The following ADCYAP1R1 variants were observed in gnomAD, a reference collection of about 807,000 sequenced individuals.
ADCYAP1R1 encodes pituitary adenylate cyclase-activating polypeptide type I receptor.
In ADCYAP1R1, 44 loss-of-function variants were observed where a neutral mutation model predicts 67.6. The ratio of observed to expected loss-of-function variants is 0.65; its 90% confidence interval spans 0.51 to 0.84. The LOEUF (loss-of-function observed/expected upper bound fraction) is 0.84, where lower values mean the gene tolerates loss of function less well. ADCYAP1R1 is among the 40% of genes least tolerant of loss of function. ADCYAP1R1 has a pLI of 0.00. For synonymous variants in ADCYAP1R1, 222 were observed against 219.6 expected, an observed-to-expected ratio of 1.01 and a Z score of -0.10; for missense variants, 477 against 587.9, an observed-to-expected ratio of 0.81 and a Z score of 1.95.
In ADCYAP1R1 at chr7:31,080,652, A is replaced by T; in HGVS notation, c.286+19A>T. The T allele has an allele frequency of 3.1e-6, 5 of 1,613,244 alleles. No individual in the cohort carries two copies. The highest frequency in any genetic ancestry group is 4.2e-6 in the Non-Finnish European group (5 of 1,179,566). ...ACCATTGGTAAGAGGAACCTTGGTG[A>T]GGATAGACCGCTGTCTTTCTGTCCA... On this transcript the variant is annotated intron_variant, in intron 5 of 15. Coordinates refer to ENST00000304166, the MANE Select transcript of ADCYAP1R1 (RefSeq NM_001118.5).
At position 31,084,254 on chromosome 7, in the gene ADCYAP1R1, A is replaced by G; in HGVS notation, c.438+4A>G. 1 of 1,611,992 alleles carries G rather than the reference A, an allele frequency of 6.2e-7. No individual in the cohort carries two copies. The highest frequency in any genetic ancestry group is 8.5e-7 in the Non-Finnish European group (1 of 1,178,272). Reference sequence around the variant, plus strand: ...TGAATCTGAGACTGGGGACCAGGTGAGTGTCTGCACCCTGCTCCCCAGAGG... The same window carrying G: ...TGAATCTGAGACTGGGGACCAGGTGGGTGTCTGCACCCTGCTCCCCAGAGG... On this transcript the variant is annotated splice_donor_region_variant and intron_variant, in intron 7 of 15. Coordinates refer to ENST00000304166, the MANE Select transcript of ADCYAP1R1 (RefSeq NM_001118.5).
intron 3 of ADCYAP1R1, among the ~76,000 whole-genome samples, chr7:31,065,936 C>T (rs1026601714): frequency 6.6e-6 from 1 of 152,210 alleles, no homozygotes; most frequent in Non-Finnish European, 1.5e-5. Context: ...CGGAGCTGCC[C>T]AGCCAGTTGC....
intron 13 of ADCYAP1R1, among the ~76,000 whole-genome samples, chr7:31,097,814 T>TGG (rs3216474): frequency 1.3e-3 from 199 of 150,578 alleles, no homozygotes; most frequent in African/African-American, 4.7e-3. Context: ...CAGATACAGT[T>TGG]GGGGGGGGGT....
In ADCYAP1R1 at chr7:31,108,101, T is replaced by C. The variant is rs1037875597; in HGVS notation, c.*1417T>C. 1 of 152,222 alleles carries C rather than the reference T, an allele frequency of 6.6e-6. No individual in the cohort carries two copies. The highest frequency in any genetic ancestry group is 2.4e-5 in the African/African-American group (1 of 41,442). 9.4% of individuals were successfully genotyped at this position (152,222 alleles called of 1,614,324 possible). ...TGGTGTTACTCCTGTCCAAATTCTG[T>C]TTGCAGACTTGTTTCATGATGATGC... On this transcript the variant is annotated 3_prime_UTR_variant, in exon 16 of 16. Coordinates refer to ENST00000304166, the MANE Select transcript of ADCYAP1R1 (RefSeq NM_001118.5).
At chr7:31,073,612 C>T (rs1795080218) in intron 3 of ADCYAP1R1, among the ~76,000 whole-genome samples, 1 of 152,206 alleles carries the variant, frequency 6.6e-6, no homozygotes, top group South Asian at 2.1e-4. Flanking sequence ...CAGCTCCAAT[C>T]CGCTGAGGCC....
chr7:31,100,889 C>CT (rs1350974851), intron 13 of ADCYAP1R1, among the ~76,000 whole-genome samples: 5 of 152,216 alleles, frequency 3.3e-5, no homozygotes, highest in Non-Finnish European at 7.3e-5. Flanking sequence ...CCCTGGGCAG[C>CT]CCACTGTTAT....
intron 5 of ADCYAP1R1, among the ~76,000 whole-genome samples, 186 bp downstream of exon 5, chr7:31,080,819 G>A (rs959729158): frequency 1.3e-5 from 2 of 151,906 alleles, no homozygotes; most frequent in Non-Finnish European, 2.9e-5. Flanking sequence ...TCTGGAGGTC[G>A]GGGGGCACAG....
chr7:31,085,177 A>G, intron 8 of ADCYAP1R1, 133 bp from the exon 9 acceptor site: 1 of 1,238,492 alleles, frequency 8.1e-7, no homozygotes, highest in East Asian at 2.3e-5. Flanking sequence ...GAGAGGTGGC[A>G]GGAAGGAGGG....
chr7:31,075,980 C>G (rs921059449), intron 3 of ADCYAP1R1, among the ~76,000 whole-genome samples: 9 of 152,160 alleles, frequency 5.9e-5, no homozygotes, highest in Admixed American at 1.3e-4. Context: ...GGGGCTGGAA[C>G]AGGCAATCAG....
At chr7:31,104,624 G>A (rs374403810) in intron 14 of ADCYAP1R1, among the ~76,000 whole-genome samples, 1 of 152,106 alleles carries the variant, frequency 6.6e-6, no homozygotes, top group Non-Finnish European at 1.5e-5. Flanking sequence ...TCTGACCAAG[G>A]GAATGTGAGA....
intron 5 of ADCYAP1R1, among the ~76,000 whole-genome samples, chr7:31,081,063 C>A (rs1271691298): frequency 6.6e-6 from 1 of 152,172 alleles, no homozygotes; most frequent in Non-Finnish European, 1.5e-5. Context: ...ATGCAGCATG[C>A]AGGCAGAATA....
At chr7:31,088,264 T>G (rs1795833573) in intron 12 of ADCYAP1R1, among the ~76,000 whole-genome samples, 2 of 152,234 alleles carry the variant, frequency 1.3e-5, no homozygotes, top group South Asian at 4.1e-4. Flanking sequence ...CTTGTTCAGT[T>G]TTCTATCAGA....
At chr7:31,082,833 C>T (rs556464132) in intron 6 of ADCYAP1R1, among the ~76,000 whole-genome samples, 2 of 152,364 alleles carry the variant, frequency 1.3e-5, no homozygotes, top group South Asian at 4.1e-4. Context: ...GTGGGCAGAA[C>T]TCTCCTTTCG....
intron 5 of ADCYAP1R1, among the ~76,000 whole-genome samples, 153 bp from the exon 6 acceptor site, chr7:31,081,560 C>T (rs191960556): frequency 1.5e-4 from 23 of 152,302 alleles, no homozygotes; most frequent in South Asian, 4.1e-4. Context: ...GAGAAAGGTG[C>T]GCGGCTGCTA....
intron 13 of ADCYAP1R1, among the ~76,000 whole-genome samples, chr7:31,096,239 G>A (rs577004832): frequency 1.3e-5 from 2 of 152,300 alleles, no homozygotes; most frequent in East Asian, 1.9e-4. Context: ...TGCAGCTTGG[G>A]TGGAGGAGGG....
At position 31,080,624 on chromosome 7, in the gene ADCYAP1R1, G is replaced by A. The variant is rs1307857192; in HGVS notation, c.277G>A (p.Glu93Lys). ...IFNPDQVWET[E>K]TIGESDFGDS... ...TCTCTCTGTTTCAGTCTGGGAGACC[G>A]AAACCATTGGTAAGAGGAACCTTGG... The change falls in exon 5 of 16, where the codon GAA becomes AAA. Residue 93 changes from glutamate (E) to lysine (K), a missense_variant. Coordinates refer to ENST00000304166, the MANE Select transcript of ADCYAP1R1 (RefSeq NM_001118.5). 6.8e-6 allele frequency: 11 copies of A among 1,613,564 alleles called. No homozygotes were observed. Among genetic ancestry groups the A allele is most frequent in the African/African-American group, 1.3e-5 (1 of 74,900 alleles).
rs954986584 is a variant in ADCYAP1R1, at chr7:31,060,933, C to T, written c.-71-2261C>T. Reference sequence around the variant, plus strand: ...GAGAACTTTAAACAACACTGCTGCCCGAACCACAGCTGAGAGCTTCTGATT... The same window carrying T: ...GAGAACTTTAAACAACACTGCTGCCTGAACCACAGCTGAGAGCTTCTGATT... On this transcript the variant is annotated intron_variant, in intron 1 of 15. Coordinates refer to ENST00000304166, the MANE Select transcript of ADCYAP1R1 (RefSeq NM_001118.5). Among the ~76,000 whole-genome samples the T allele has an allele frequency of 2.6e-5, 4 of 152,188 alleles. No homozygotes were observed. The East Asian group carries it at 5.8e-4, about 22-fold the overall frequency.
At chr7:31,062,016 A>T (rs1314219912) in intron 1 of ADCYAP1R1, among the ~76,000 whole-genome samples, 2 of 152,182 alleles carry the variant, frequency 1.3e-5, no homozygotes, top group South Asian at 4.2e-4. Flanking sequence ...CGTACAGCTG[A>T]ACTGGAGCCT....
intron 1 of ADCYAP1R1, among the ~76,000 whole-genome samples, chr7:31,062,036 T>C (rs1432366123): frequency 2.0e-5 from 3 of 152,230 alleles, no homozygotes; most frequent in Non-Finnish European, 2.9e-5. Flanking sequence ...TATTTAGCAG[T>C]GCCTGTTGAC....
Sources: gnomAD v4.1 joint callset for allele counts (sites outside exome capture counted in the v4.1 genomes callset) on GRCh38, gnomAD v4.1.1 for gene constraint, MANE v1.5 for transcripts, NCBI Gene and HGNC (gene_info 2026-07-23, HGNC 2026-07-21) for gene names.